The following DCDC2 variants were observed in gnomAD, a reference collection of about 807,000 sequenced individuals.
DCDC2 encodes the protein doublecortin domain containing 2.
DCDC2 carries 40 observed loss-of-function variants against 50.2 expected under a neutral mutation model. That is an observed-to-expected ratio of 0.80 (90% CI 0.62 to 1.04). The LOEUF (loss-of-function observed/expected upper bound fraction) is 1.04. Ranked by LOEUF, DCDC2 falls within the 50% of genes least tolerant of loss-of-function variation. The pLI is 0.00. For missense variants in DCDC2, 570 were observed against 581.9 expected (o/e 0.98, Z 0.21); for synonymous variants, 234 against 210.6 (o/e 1.11, Z -0.96).
intron 2 of DCDC2, among the ~76,000 whole-genome samples, chr6:24,303,457 G>A (rs1339900625): frequency 6.6e-6 from 1 of 151,900 alleles, no homozygotes. Flanking sequence ...TGGCTAAAAC[G>A]CCCTCCTCAT....
At chr6:24,336,184 G>A (rs1760054742) in intron 2 of DCDC2, among the ~76,000 whole-genome samples, 1 of 152,180 alleles carries the variant, frequency 6.6e-6, no homozygotes, top group Non-Finnish European at 1.5e-5. Flanking sequence ...GTGACATAGT[G>A]TAATCTGGGT....
intron 2 of DCDC2, among the ~76,000 whole-genome samples, chr6:24,307,103 A>T (rs1412246433): frequency 6.6e-6 from 1 of 152,168 alleles, no homozygotes; most frequent in Non-Finnish European, 1.5e-5. Context: ...TAATCCTGCT[A>T]AACTAGCCCA....
At chr6:24,211,906 T>C (rs1001382631) in intron 7 of DCDC2, among the ~76,000 whole-genome samples, 6 of 152,144 alleles carry the variant, frequency 3.9e-5, no homozygotes, top group Non-Finnish European at 8.8e-5. Flanking sequence ...TGATACAACA[T>C]GTGTCTAGAA....
At chr6:24,254,716 TC>T (rs1388945948) in intron 7 of DCDC2, among the ~76,000 whole-genome samples, 1 of 151,998 alleles carries the variant, frequency 6.6e-6, no homozygotes, top group Non-Finnish European at 1.5e-5. Flanking sequence ...TAACAAAAAC[TC>T]CAGGTCTAAA....
intron 2 of DCDC2, among the ~76,000 whole-genome samples, chr6:24,304,856 A>G (rs1759442280): frequency 6.6e-6 from 1 of 152,096 alleles, no homozygotes; most frequent in Non-Finnish European, 1.5e-5. Flanking sequence ...CCCAGGCTAG[A>G]GTACAGTGGT....
In DCDC2 at chr6:24,353,426, C is replaced by A. The variant is rs149075293; in HGVS notation, c.348+143G>T. The A allele has an allele frequency of 6.1e-6, 4 of 660,566 alleles. No individual in the cohort carries two copies. The African/African-American group carries it at 7.3e-5, about 12-fold the overall frequency. 40.9% of individuals were successfully genotyped at this position (660,566 alleles called of 1,614,324 possible). ...GACAATGATTCAAAGAAAGAATTAT[C>A]TTTGCCTTAAAACATATAATGTTCC... is the stretch of plus-strand genomic sequence containing the variant. On this transcript the variant is annotated intron_variant, in intron 2 of 9. Coordinates refer to ENST00000378454, the MANE Select transcript of DCDC2 (RefSeq NM_016356.5).
At chr6:24,186,417 G>T (rs567989720) in intron 8 of DCDC2, among the ~76,000 whole-genome samples, 1 of 152,270 alleles carries the variant, frequency 6.6e-6, no homozygotes, top group South Asian at 2.1e-4. Context: ...GTTGCCAAAG[G>T]TTACATGGCC....
At chr6:24,325,189 G>A (rs1581653371) in intron 2 of DCDC2, among the ~76,000 whole-genome samples, 1 of 150,238 alleles carries the variant, frequency 6.7e-6, no homozygotes, top group African/African-American at 2.4e-5. Flanking sequence ...GAGAGAGCAC[G>A]ATATCTACTT....
chr6:24,270,226 T>C (rs1763209600), intron 7 of DCDC2, among the ~76,000 whole-genome samples: 1 of 152,182 alleles, frequency 6.6e-6, no homozygotes, highest in South Asian at 2.1e-4. Context: ...TCACTAACCA[T>C]TGATAGATCT....
chr6:24,351,621 T>C (rs1261818425), intron 2 of DCDC2, among the ~76,000 whole-genome samples: 1 of 152,142 alleles, frequency 6.6e-6, no homozygotes, highest in Non-Finnish European at 1.5e-5. Flanking sequence ...ATGAAAGAGA[T>C]GCAGTCTTTC....
intron 7 of DCDC2, among the ~76,000 whole-genome samples, chr6:24,239,674 G>T (rs550891004): frequency 6.6e-6 from 1 of 152,086 alleles, no homozygotes; most frequent in Non-Finnish European, 1.5e-5. Flanking sequence ...ATGTTCCCAG[G>T]CTAAAAGGAA....
chr6:24,344,786 T>C (rs537194253), intron 2 of DCDC2, among the ~76,000 whole-genome samples: 5 of 152,190 alleles, frequency 3.3e-5, no homozygotes, highest in African/African-American at 9.7e-5. Flanking sequence ...AAATGAAATA[T>C]AGCAGTTGTT....
intron 8 of DCDC2, among the ~76,000 whole-genome samples, chr6:24,196,545 C>T (rs1388112221): frequency 1.3e-5 from 2 of 152,034 alleles, no homozygotes; most frequent in African/African-American, 2.4e-5. Flanking sequence ...CTCAGCCTCC[C>T]GATTATCTGG....
chr6:24,353,531 G>A (rs751850942), intron 2 of DCDC2, 38 bp downstream of exon 2: 34 of 1,308,306 alleles, frequency 2.6e-5, no homozygotes, highest in Admixed American at 2.2e-4. Flanking sequence ...AAATGGCACC[G>A]TTATTTATTT....
At chr6:24,283,941 T>C (rs1343282593) in intron 6 of DCDC2, among the ~76,000 whole-genome samples, 1 of 152,164 alleles carries the variant, frequency 6.6e-6, no homozygotes, top group African/African-American at 2.4e-5. Flanking sequence ...CCAGCTGAAA[T>C]AGCACCCTCT....
At chr6:24,285,231 C>T (rs1763573809) in intron 6 of DCDC2, among the ~76,000 whole-genome samples, 1 of 152,146 alleles carries the variant, frequency 6.6e-6, no homozygotes, top group East Asian at 1.9e-4. Flanking sequence ...GAAAGAGGGA[C>T]AAACTCTGCT....
intron 7 of DCDC2, among the ~76,000 whole-genome samples, chr6:24,248,801 C>G (rs1317750292): frequency 1.3e-5 from 2 of 152,062 alleles, no homozygotes; most frequent in African/African-American, 4.8e-5. Flanking sequence ...ATATTAACTC[C>G]TGCATAAATA....
intron 8 of DCDC2, among the ~76,000 whole-genome samples, chr6:24,201,803 G>A (rs1761594723): frequency 6.6e-6 from 1 of 151,984 alleles, no homozygotes; most frequent in Non-Finnish European, 1.5e-5. Flanking sequence ...ATAGATAAAG[G>A]GGAGATCACC....
At chr6:24,196,917 C>G (rs570175156) in intron 8 of DCDC2, among the ~76,000 whole-genome samples, 1 of 152,198 alleles carries the variant, frequency 6.6e-6, no homozygotes, top group African/African-American at 2.4e-5. Context: ...TTTCTCCACA[C>G]TTTTAGTTTT....
Sources: allele counts gnomAD v4.1 joint callset (sites outside exome capture counted in the v4.1 genomes callset), GRCh38; gene constraint gnomAD v4.1.1; transcripts MANE v1.5; gene names NCBI Gene and HGNC (gene_info 2026-07-23, HGNC 2026-07-21).